Variants in GSTCD observed in about 807,000 individuals in gnomAD.
GSTCD encodes glutathione S-transferase C-terminal domain containing.
Under a neutral mutation model 68.3 loss-of-function variants are expected in GSTCD, and 44 were observed. The observed-to-expected ratio is 0.64, with a 90% confidence interval of 0.51 to 0.83. The LOEUF is 0.83. Ranked by LOEUF, GSTCD falls within the 40% of genes least tolerant of loss-of-function variation. The pLI, the probability that GSTCD is intolerant of heterozygous loss-of-function variation, is 0.00. For synonymous variants in GSTCD, 273 were observed against 255.2 expected (o/e 1.07, Z -0.67); for missense variants, 739 against 735.9 (o/e 1.00, Z -0.05).
At chr4:105,750,664 A>G (rs1235055675) in intron 5 of GSTCD, among the ~76,000 whole-genome samples, 1 of 152,154 alleles carries the variant, frequency 6.6e-6, no homozygotes, top group African/African-American at 2.4e-5. Flanking sequence ...CAGAAAAATA[A>G]CAACTTATAT....
At chr4:105,830,510 A>G (rs1464186748) in intron 8 of GSTCD, among the ~76,000 whole-genome samples, 2 of 152,196 alleles carry the variant, frequency 1.3e-5, no homozygotes, top group Non-Finnish European at 2.9e-5. Context: ...TCATTAAAAT[A>G]TAAAGTAAAT....
In GSTCD at chr4:105,815,101, G is replaced by A. The variant is rs138399186; in HGVS notation, c.1241-7853G>A. 8 of 152,344 alleles carry A rather than the reference G, an allele frequency of 5.3e-5. No homozygotes were observed. The East Asian group carries it at 1.2e-3, about 22-fold the overall frequency. The allele number at this position is 152,344 out of a possible 1,614,324, so 9.4% of individuals were successfully genotyped here. Reference sequence around the variant, plus strand: ...TTACAAAGCCAATATTATGGTATCTGTCTTATGCTCCATTGCCACATAAAT... The same window carrying A: ...TTACAAAGCCAATATTATGGTATCTATCTTATGCTCCATTGCCACATAAAT... On this transcript the variant is annotated intron_variant, in intron 5 of 11. Coordinates refer to ENST00000515279, the MANE Select transcript of GSTCD (RefSeq NM_001370181.1).
At chr4:105,740,494 C>T (rs745618571) in intron 5 of GSTCD, among the ~76,000 whole-genome samples, 2 of 151,944 alleles carry the variant, frequency 1.3e-5, no homozygotes, top group Non-Finnish European at 2.9e-5. Flanking sequence ...CCAGCGCTCT[C>T]CTTTAGTCAT....
chr4:105,772,472 A>C (rs1047569151), intron 5 of GSTCD, among the ~76,000 whole-genome samples: 1 of 152,180 alleles, frequency 6.6e-6, no homozygotes, highest in Non-Finnish European at 1.5e-5. Flanking sequence ...TTGCCTATTC[A>C]GTACTATATT....
intron 5 of GSTCD, among the ~76,000 whole-genome samples, chr4:105,774,583 A>G (rs1379787867): frequency 6.6e-6 from 1 of 152,152 alleles, no homozygotes; most frequent in Admixed American, 6.5e-5. Flanking sequence ...TTGTCTATAA[A>G]GGATTTTATT....
At chr4:105,745,043 T>C (rs560491620) in intron 5 of GSTCD, among the ~76,000 whole-genome samples, 2 of 152,350 alleles carry the variant, frequency 1.3e-5, no homozygotes, top group South Asian at 4.1e-4. Flanking sequence ...CTAATTCAAA[T>C]CTAACAATAC....
At chr4:105,760,359 A>G (rs1734359667) in intron 5 of GSTCD, among the ~76,000 whole-genome samples, 1 of 152,190 alleles carries the variant, frequency 6.6e-6, no homozygotes, top group Non-Finnish European at 1.5e-5. Context: ...TTGTTTTGGA[A>G]TAGATGCCTT....
rs1046816306 is a variant in GSTCD, at chr4:105,847,613, A to G, written c.*2036A>G. The G allele has an allele frequency of 6.6e-6, 1 of 152,204 alleles. No homozygotes were observed. The highest frequency in any genetic ancestry group is 1.5e-5 in the Non-Finnish European group (1 of 68,018). 9.4% of individuals were successfully genotyped at this position (152,204 alleles called of 1,614,324 possible). A position where few individuals can be genotyped will look rare whatever the true frequency, so the allele number is the denominator to read the frequency against. On this transcript the variant is annotated 3_prime_UTR_variant, in exon 12 of 12. Coordinates refer to ENST00000515279, the MANE Select transcript of GSTCD (RefSeq NM_001370181.1). ...ATTTTTTCCAGTCTGTGGCTTACCTACTTATTTTCATAATGAATGTTTTAC... is the reference window on the plus strand; with the variant it reads ...ATTTTTTCCAGTCTGTGGCTTACCTGCTTATTTTCATAATGAATGTTTTAC...
At chr4:105,804,435 T>C (rs1312998924) in intron 5 of GSTCD, among the ~76,000 whole-genome samples, 2 of 152,054 alleles carry the variant, frequency 1.3e-5, no homozygotes, top group Non-Finnish European at 2.9e-5. Flanking sequence ...TGTGTTAAAT[T>C]TTAGAGAAAG....
At chr4:105,777,031 C>T (rs1296198989) in intron 5 of GSTCD, among the ~76,000 whole-genome samples, 1 of 152,154 alleles carries the variant, frequency 6.6e-6, no homozygotes, top group Non-Finnish European at 1.5e-5. Flanking sequence ...GAACCCTAAT[C>T]ACATTGAGCA....
chr4:105,780,696 T>A (rs1225305622), intron 5 of GSTCD, among the ~76,000 whole-genome samples: 1 of 152,248 alleles, frequency 6.6e-6, no homozygotes, highest in Non-Finnish European at 1.5e-5. Context: ...CAAATGATTC[T>A]TTTATAATAG....
At chr4:105,733,313 G>T (rs1366468619) in intron 5 of GSTCD, among the ~76,000 whole-genome samples, 1 of 152,174 alleles carries the variant, frequency 6.6e-6, no homozygotes, top group East Asian at 1.9e-4. Flanking sequence ...TTATTATTGT[G>T]TGGGAGTCTA....
chr4:105,728,941 T>A (rs1251225106), intron 4 of GSTCD, among the ~76,000 whole-genome samples: 2 of 152,178 alleles, frequency 1.3e-5, no homozygotes, highest in Non-Finnish European at 2.9e-5. Context: ...TATAAAAGAC[T>A]AGTATGAGTG....
chr4:105,720,959 A>G (rs1468687180), intron 3 of GSTCD, among the ~76,000 whole-genome samples: 1 of 151,142 alleles, frequency 6.6e-6, no homozygotes, highest in Non-Finnish European at 1.5e-5. Flanking sequence ...GTTCCTTTGT[A>G]TTTTTACTGG....
intron 5 of GSTCD, among the ~76,000 whole-genome samples, chr4:105,734,401 T>C (rs1733380572): frequency 1.3e-5 from 2 of 152,214 alleles, no homozygotes; most frequent in Admixed American, 6.5e-5. Flanking sequence ...TACTCTTTTT[T>C]CTCTAAACTT....
intron 5 of GSTCD, among the ~76,000 whole-genome samples, chr4:105,779,465 CTT>C (rs966761197): frequency 2.0e-5 from 3 of 152,138 alleles, no homozygotes; most frequent in Admixed American, 6.5e-5. Context: ...TGTTTGAAAA[CTT>C]ATATTTCTCA....
chr4:105,818,649 CT>C (rs1190435545), intron 5 of GSTCD, among the ~76,000 whole-genome samples: 5 of 151,574 alleles, frequency 3.3e-5, no homozygotes, highest in Non-Finnish European at 7.4e-5. Flanking sequence ...TTGGAAGGGA[CT>C]TTAGTAATAT....
intron 5 of GSTCD, among the ~76,000 whole-genome samples, chr4:105,777,681 C>T (rs1377922800): frequency 6.6e-6 from 1 of 152,118 alleles, no homozygotes; most frequent in Non-Finnish European, 1.5e-5. Flanking sequence ...CCAGTTTTGC[C>T]TACCTAGGCA....
At chr4:105,718,938 T>G (rs1467935674) in intron 2 of GSTCD, 122 bp from the exon 3 acceptor site, 1 of 730,558 alleles carries the variant, frequency 1.4e-6, no homozygotes, top group African/African-American at 1.8e-5. Context: ...TGATACAACA[T>G]AAAAGCCTAG....
Sources: allele counts gnomAD v4.1 joint callset (sites outside exome capture counted in the v4.1 genomes callset), GRCh38; gene constraint gnomAD v4.1.1; transcripts MANE v1.5; gene names NCBI Gene and HGNC (gene_info 2026-07-23, HGNC 2026-07-21).